Variants in STK32B observed in about 807,000 individuals in gnomAD.
STK32B encodes serine/threonine-protein kinase 32B.
Under a neutral mutation model 52.6 loss-of-function variants are expected in STK32B, and 43 were observed. That is an observed-to-expected ratio of 0.82 (90% confidence interval 0.64 to 1.05). The LOEUF (loss-of-function observed/expected upper bound fraction) is 1.05. Ranked by LOEUF, STK32B falls within the 50% of genes least tolerant of loss-of-function variation. The pLI is 0.00. For synonymous variants in STK32B, 238 were observed against 204.3 expected, an observed-to-expected ratio of 1.17 and a Z score of -1.41; for missense variants, 621 against 534.6, an observed-to-expected ratio of 1.16 and a Z score of -1.59.
intron 9 of STK32B, among the ~76,000 whole-genome samples, chr4:5,463,208 C>G (rs1423653499): frequency 1.3e-5 from 2 of 152,240 alleles, no homozygotes; most frequent in African/African-American, 4.8e-5. Flanking sequence ...CTGCCAAACT[C>G]AGGGTGAGAC....
At chr4:5,369,607 G>C (rs1200963210) in intron 4 of STK32B, among the ~76,000 whole-genome samples, 1 of 152,054 alleles carries the variant, frequency 6.6e-6, no homozygotes, top group South Asian at 2.1e-4. Flanking sequence ...GGAAGAAAAG[G>C]TATAGCTCCT....
intron 6 of STK32B, among the ~76,000 whole-genome samples, chr4:5,425,447 T>C (rs1713011959): frequency 6.9e-6 from 1 of 144,676 alleles, no homozygotes; most frequent in Non-Finnish European, 1.6e-5. Flanking sequence ...CCATTATCTT[T>C]CCTGAGAACC....
intron 1 of STK32B, 25 bp downstream of exon 1, chr4:5,051,940 C>G: frequency 1.3e-6 from 2 of 1,574,372 alleles, no homozygotes; most frequent in Non-Finnish European, 1.7e-6. Flanking sequence ...GGTGCGAATT[C>G]CCGCTTCGCG....
intron 5 of STK32B, among the ~76,000 whole-genome samples, chr4:5,410,093 A>G (rs1020771934): frequency 2.0e-5 from 3 of 152,124 alleles, no homozygotes; most frequent in Non-Finnish European, 4.4e-5. Flanking sequence ...TGGTGCCCAG[A>G]GTGTTTGATC....
intron 3 of STK32B, among the ~76,000 whole-genome samples, chr4:5,181,367 CAG>C (rs80285878): frequency 0.016 from 1,516 of 96,376 alleles, 36 homozygotes; most frequent in Admixed American, 0.073. Context: ...CACACACACA[CAG>C]AGATCTCATT....
At chr4:5,136,569 G>T (rs1982348) in intron 1 of STK32B, among the ~76,000 whole-genome samples, 1 of 152,170 alleles carries the variant, frequency 6.6e-6, no homozygotes, top group Non-Finnish European at 1.5e-5. Flanking sequence ...AGAACTTCCC[G>T]TACTAAAACC....
At chr4:5,032,600 AT>A in the STK32B span, among the ~76,000 whole-genome samples, 91 of 151,728 alleles carry the variant, frequency 6.0e-4, no homozygotes, top group Non-Finnish European at 1.1e-3. Flanking sequence ...GAGCTATATT[AT>A]TTTCCCCCAT....
intron 1 of STK32B, among the ~76,000 whole-genome samples, chr4:5,059,744 A>T (rs1439984259): frequency 4.6e-5 from 7 of 152,234 alleles, no homozygotes; most frequent in Non-Finnish European, 1.0e-4. Context: ...CTAAATCTGT[A>T]ATAAAACTTT....
intron 1 of STK32B, among the ~76,000 whole-genome samples, chr4:5,064,204 G>A (rs7665595): frequency 0.35 from 51,155 of 147,104 alleles, 9,731 homozygotes; most frequent in East Asian, 0.49. Flanking sequence ...TATATTTTGT[G>A]TATAAATATG....
At chr4:5,168,576 ATTC>A (rs1281356939) in intron 3 of STK32B, 126 bp downstream of exon 3, 6 of 1,142,064 alleles carry the variant, frequency 5.3e-6, no homozygotes, top group East Asian at 2.6e-5. Context: ...GGGTTCAGTT[ATTC>A]TTAAGTATTT....
At chr4:5,271,663 A>G (rs1306125628) in intron 3 of STK32B, among the ~76,000 whole-genome samples, 2 of 147,138 alleles carry the variant, frequency 1.4e-5, no homozygotes, top group Non-Finnish European at 3.0e-5. Context: ...ATTTGTTTGT[A>G]TCCTCTTTTA....
chr4:5,381,100 G>T (rs949013662), intron 4 of STK32B, among the ~76,000 whole-genome samples: 1 of 152,074 alleles, frequency 6.6e-6, no homozygotes, highest in Non-Finnish European at 1.5e-5. Flanking sequence ...CCTGAGTTTC[G>T]TCCACTGTAT....
intron 11 of STK32B, among the ~76,000 whole-genome samples, chr4:5,497,013 G>T (rs1720321764): frequency 6.6e-6 from 1 of 152,218 alleles, no homozygotes; most frequent in Non-Finnish European, 1.5e-5. Context: ...CTAGTTTTAA[G>T]ATGGTATATT....
At chr4:5,300,392 C>T (rs563662409) in intron 3 of STK32B, among the ~76,000 whole-genome samples, 1 of 152,276 alleles carries the variant, frequency 6.6e-6, no homozygotes, top group East Asian at 1.9e-4. Context: ...TGCCCACTGT[C>T]ACCACTACTA....
intron 3 of STK32B, among the ~76,000 whole-genome samples, chr4:5,319,624 C>T (rs1421166963): frequency 6.6e-6 from 1 of 152,212 alleles, no homozygotes; most frequent in Non-Finnish European, 1.5e-5. Flanking sequence ...AGCCTTTGTT[C>T]ATGCTGTTCC....
the STK32B span, among the ~76,000 whole-genome samples, chr4:5,033,099 C>G: frequency 6.6e-6 from 1 of 152,096 alleles, no homozygotes; most frequent in Non-Finnish European, 1.5e-5. Context: ...AACTTCCAGC[C>G]CCACAAACAC....
Position 5,357,007 on chromosome 4 carries a change from GTA to G in STK32B, c.434+25629_434+25630del, listed in dbSNP as rs140670209. On this transcript the variant is annotated intron_variant, in intron 4 of 11. Transcript: ENST00000282908. ...GAGTGAAACTCTCTCTCTCATATGT[GTA>G]TATATATATATATACACACACACAC... Among the ~76,000 whole-genome samples the G allele has an allele frequency of 5.9e-3, 821 of 139,902 alleles. 7 individuals are homozygous for G. Among genetic ancestry groups the G allele is most frequent in the African/African-American group, 0.019 (710 of 38,010 alleles). 91.8% of individuals were successfully genotyped at this position (139,902 alleles called of 152,430 possible). A position where few individuals can be genotyped will look rare whatever the true frequency, so the allele number is the denominator to read the frequency against.
intron 3 of STK32B, among the ~76,000 whole-genome samples, chr4:5,196,233 A>G (rs889563107): frequency 6.6e-6 from 1 of 151,636 alleles, no homozygotes; most frequent in African/African-American, 2.4e-5. Flanking sequence ...TACATGCTCA[A>G]TGACACTGAA....
At chr4:5,429,514 TTATAA>T (rs1256681549) in intron 6 of STK32B, among the ~76,000 whole-genome samples, 18 of 151,052 alleles carry the variant, frequency 1.2e-4, no homozygotes, top group African/African-American at 2.7e-4. Context: ...ATGTGTAATC[TTATAA>T]TATACCCAAA....
Sources: allele counts gnomAD v4.1 joint callset (sites outside exome capture counted in the v4.1 genomes callset), GRCh38; gene constraint gnomAD v4.1.1; transcripts MANE v1.5; gene names NCBI Gene and HGNC (gene_info 2026-07-23, HGNC 2026-07-21).